LPP: variants seen among roughly 807,000 people sequenced by gnomAD.
LPP encodes the protein lipoma-preferred partner.
LPP carries 38 observed loss-of-function variants against 60.4 expected under a neutral mutation model. The ratio of observed to expected loss-of-function variants is 0.63; its 90% CI spans 0.49 to 0.83. LPP has a LOEUF of 0.83. Ranked by LOEUF, LPP falls within the 40% of genes least tolerant of loss-of-function variation. The pLI, the probability that LPP is intolerant of heterozygous loss-of-function variation, is 0.00. For missense variants in LPP, 902 were observed against 783.6 expected (o/e 1.15, Z -1.80); for synonymous variants, 328 against 290.8 (o/e 1.13, Z -1.30).
Position 188,609,312 on chromosome 3 carries a change from C to T in LPP, c.581C>T (p.Ala194Val). The change falls in exon 7 of 12, where the codon GCT becomes GTT. Residue 194 changes from alanine to valine, a missense_variant. Physicochemically the swap from Ala to Val is moderately conservative, Grantham distance 64 (BLOSUM62 0). Coordinates refer to ENST00000617246, the MANE Select transcript of LPP (RefSeq NM_001375462.1). The surrounding 1 kb of genome is among the most constrained non-coding windows in gnomAD (Gnocchi z 6.9). Reference protein sequence around the residue: ...PAPQAGPIPVAPIGTLKPQPQ... With the variant: ...PAPQAGPIPVVPIGTLKPQPQ... Reference sequence around the variant, plus strand: ...CCCCAGGCTGGACCCATCCCTGTGGCTCCAATCGGAACACTCAAACCCCAG... The same window carrying T: ...CCCCAGGCTGGACCCATCCCTGTGGTTCCAATCGGAACACTCAAACCCCAG... 1 of 1,614,126 alleles carries T rather than the reference C, an allele frequency of 6.2e-7. No individual in the cohort carries two copies. Among genetic ancestry groups the T allele is most frequent in the Non-Finnish European group, 8.5e-7 (1 of 1,180,024 alleles).
intron 2 of LPP, among the ~76,000 whole-genome samples, chr3:188,273,589 C>CT (rs11380757): frequency 0.34 from 26,931 of 79,952 alleles, 5,869 homozygotes; most frequent in East Asian, 0.55. Context: ...TATTTTATAT[C>CT]TTTTTTTTTT....
intron 8 of LPP, among the ~76,000 whole-genome samples, chr3:188,753,659 T>C (rs1449103416): frequency 6.6e-6 from 1 of 151,996 alleles, no homozygotes; most frequent in East Asian, 1.9e-4. Context: ...TTTCTCTTTT[T>C]GGACTAAGAT....
At chr3:188,844,150 T>C (rs1760856013) in intron 9 of LPP, among the ~76,000 whole-genome samples, 1 of 152,232 alleles carries the variant, frequency 6.6e-6, no homozygotes, top group Non-Finnish European at 1.5e-5. Context: ...TCTGTCTTCC[T>C]CCCATGCTTA....
intron 4 of LPP, among the ~76,000 whole-genome samples, chr3:188,454,831 C>G (rs1797375101): frequency 6.6e-6 from 1 of 152,190 alleles, no homozygotes; most frequent in Non-Finnish European, 1.5e-5. Context: ...TCTCCCACGG[C>G]ATCCCTCCCA....
intron 7 of LPP, among the ~76,000 whole-genome samples, chr3:188,620,392 A>G (rs1032191672): frequency 7.2e-5 from 11 of 152,114 alleles, no homozygotes; most frequent in Admixed American, 4.6e-4. Context: ...AGATTTAACA[A>G]TTTTGGACAT....
At chr3:188,764,455 C>T (rs553910083) in intron 9 of LPP, among the ~76,000 whole-genome samples, 2 of 151,880 alleles carry the variant, frequency 1.3e-5, no homozygotes, top group South Asian at 2.1e-4. Context: ...CTATAGAAAC[C>T]CTCTAAATCT....
chr3:188,276,960 G>GTGGCATGA (rs1196902975), intron 2 of LPP, among the ~76,000 whole-genome samples: 1 of 125,894 alleles, frequency 7.9e-6, no homozygotes, highest in African/African-American at 3.1e-5. Context: ...CTGGAGTATA[G>GTGGCATGA]TGGCATGATC....
chr3:188,601,307 C>T (rs895339095), intron 6 of LPP, among the ~76,000 whole-genome samples: 1 of 152,116 alleles, frequency 6.6e-6, no homozygotes, highest in African/African-American at 2.4e-5. Flanking sequence ...CACGGAGCTT[C>T]TTGAAACTAA....
chr3:188,404,665 C>A (rs1177498888), intron 3 of LPP, among the ~76,000 whole-genome samples: 2 of 152,204 alleles, frequency 1.3e-5, no homozygotes, highest in Non-Finnish European at 2.9e-5. Context: ...CAGCTCTCCC[C>A]TCCACCCTGT....
intron 1 of LPP, among the ~76,000 whole-genome samples, chr3:188,187,007 C>A (rs1726794389): frequency 6.6e-6 from 1 of 152,096 alleles, no homozygotes; most frequent in African/African-American, 2.4e-5. Context: ...GACAGTTTCG[C>A]TTCACTCACT....
intron 4 of LPP, among the ~76,000 whole-genome samples, chr3:188,452,618 A>G (rs1796853122): frequency 6.6e-6 from 1 of 152,078 alleles, no homozygotes; most frequent in African/African-American, 2.4e-5. Context: ...GACCTTTAGA[A>G]CTTAATGCTT....
At chr3:188,226,016 T>C (rs1267531580) in intron 2 of LPP, among the ~76,000 whole-genome samples, 1 of 152,224 alleles carries the variant, frequency 6.6e-6, no homozygotes, top group Non-Finnish European at 1.5e-5. Flanking sequence ...ATTTTATGTA[T>C]TTATTTTTTT....
chr3:188,305,068 T>G (rs1245611183), intron 2 of LPP, among the ~76,000 whole-genome samples: 1 of 152,214 alleles, frequency 6.6e-6, no homozygotes, highest in East Asian at 1.9e-4. Context: ...TCTTAGGAGA[T>G]TTCATTTTTA....
At chr3:188,387,595 C>G (rs897343515) in intron 3 of LPP, among the ~76,000 whole-genome samples, 2 of 146,148 alleles carry the variant, frequency 1.4e-5, no homozygotes, top group Non-Finnish European at 3.0e-5. Context: ...GAGGCAGAGT[C>G]TCACCCTGTC....
intron 9 of LPP, among the ~76,000 whole-genome samples, chr3:188,863,507 A>G (rs943929939): frequency 6.6e-6 from 1 of 152,160 alleles, no homozygotes; most frequent in South Asian, 2.1e-4. Context: ...GTCTGGACTA[A>G]GGGAACTCCC....
At chr3:188,731,516 T>TG (rs113613140) in intron 8 of LPP, among the ~76,000 whole-genome samples, 7 of 145,818 alleles carry the variant, frequency 4.8e-5, no homozygotes, top group East Asian at 2.0e-4. Flanking sequence ...TTTTTTGTTT[T>TG]TTTTGTTTTG....
chr3:188,411,779 A>C (rs932132448), intron 4 of LPP, among the ~76,000 whole-genome samples: 1 of 152,200 alleles, frequency 6.6e-6, no homozygotes, highest in African/African-American at 2.4e-5. Context: ...ATGGCAGAAC[A>C]GTATAGTTCT....
chr3:188,661,399 T>A (rs6789492), intron 7 of LPP, among the ~76,000 whole-genome samples: 1 of 152,140 alleles, frequency 6.6e-6, no homozygotes, highest in Non-Finnish European at 1.5e-5. Context: ...ATGTTTAGTT[T>A]TGTAAAAAAC....
chr3:188,577,599 T>G (rs1215305572), intron 6 of LPP, among the ~76,000 whole-genome samples: 1 of 151,536 alleles, frequency 6.6e-6, no homozygotes, highest in African/African-American at 2.4e-5. Context: ...TATAAGTATA[T>G]GTATGTATAT....
Sources: gnomAD v4.1 joint callset for allele counts (sites outside exome capture counted in the v4.1 genomes callset) on GRCh38, gnomAD v4.1.1 for gene constraint, Gnocchi (gnomAD v3.1) non-coding constraint, MANE v1.5 for transcripts, NCBI Gene and HGNC (gene_info 2026-07-23, HGNC 2026-07-21) for gene names.